Variants in PTPRD observed in about 807,000 individuals in gnomAD.
PTPRD encodes the protein receptor-type tyrosine-protein phosphatase delta.
A neutral mutation model predicts 214.5 loss-of-function variants in PTPRD; 34 were observed. The ratio of observed to expected loss-of-function variants is 0.16; its 90% confidence interval spans 0.12 to 0.21. PTPRD has a LOEUF of 0.21. Ranked by LOEUF, PTPRD falls within the 10% of genes least tolerant of loss-of-function variation. PTPRD has a pLI of 1.00. For missense variants in PTPRD, 2,545 were observed against 2,398.7 expected, an observed-to-expected ratio of 1.06 and a Z score of -1.27; for synonymous variants, 1,128 against 845.7, an observed-to-expected ratio of 1.33 and a Z score of -5.79.
chr9:8,877,911 G>T (rs2098408031), intron 11 of PTPRD, among the ~76,000 whole-genome samples: 1 of 152,038 alleles, frequency 6.6e-6, no homozygotes, highest in South Asian at 2.1e-4. Context: ...GGTGTCTATG[G>T]GCATAACTCT....
intron 27 of PTPRD, among the ~76,000 whole-genome samples, chr9:8,487,780 A>G (rs1187180512): frequency 2.6e-5 from 4 of 152,146 alleles, no homozygotes; most frequent in Non-Finnish European, 5.9e-5. Flanking sequence ...ACTGCACTCC[A>G]GCCTGGGCAA....
rs10977214 is a variant in PTPRD at position 8,584,465 on chromosome 9, A to G, written c.352+48852T>C. Among the ~76,000 whole-genome samples, 2,244 of 150,734 alleles carry G rather than the reference A, an allele frequency of 0.015. 181 individuals carry two copies. In the East Asian group the frequency reaches 0.23, roughly 16 times the overall value. Reference sequence around the variant, plus strand: ...TGATTAGTTACTGAAAAAAAAAAAAATTTACATTCTTCTCTATTATGTTTT... The same window carrying G: ...TGATTAGTTACTGAAAAAAAAAAAAGTTTACATTCTTCTCTATTATGTTTT... On this transcript the variant is annotated intron_variant, in intron 14 of 45. Transcript: ENST00000381196.
intron 14 of PTPRD, among the ~76,000 whole-genome samples, chr9:8,607,476 C>T (rs1310370589): frequency 6.6e-6 from 1 of 152,026 alleles, no homozygotes; most frequent in Non-Finnish European, 1.5e-5. Flanking sequence ...AACCCCGTCT[C>T]TACAAAAAAT....
At chr9:10,326,014 T>G (rs185673435) in intron 3 of PTPRD, among the ~76,000 whole-genome samples, 1 of 151,834 alleles carries the variant, frequency 6.6e-6, no homozygotes, top group Non-Finnish European at 1.5e-5. Flanking sequence ...TCTAAAAAGA[T>G]ATGTTTGTCC....
At chr9:10,251,455 G>A (rs2092759770) in intron 3 of PTPRD, among the ~76,000 whole-genome samples, 1 of 151,524 alleles carries the variant, frequency 6.6e-6, no homozygotes, top group Non-Finnish European at 1.5e-5. Flanking sequence ...GAGGTTAAGA[G>A]TTGGGCTCTG....
intron 3 of PTPRD, among the ~76,000 whole-genome samples, chr9:10,134,711 A>G (rs1007403975): frequency 4.6e-5 from 7 of 152,142 alleles, no homozygotes; most frequent in African/African-American, 7.2e-5. Context: ...TTATATTAAA[A>G]AAAAGCCCCA....
chr9:9,041,070 G>A (rs1198965829), intron 10 of PTPRD, among the ~76,000 whole-genome samples: 4 of 152,054 alleles, frequency 2.6e-5, no homozygotes, highest in African/African-American at 4.8e-5. Context: ...TTACTGCTAT[G>A]TAAATGCTAT....
At chr9:9,024,814 A>G (rs1250806893) in intron 10 of PTPRD, among the ~76,000 whole-genome samples, 2 of 151,966 alleles carry the variant, frequency 1.3e-5, no homozygotes, top group Non-Finnish European at 2.9e-5. Context: ...GATATTGATT[A>G]TAAACATAAA....
intron 35 of PTPRD, among the ~76,000 whole-genome samples, chr9:8,429,405 C>T (rs2094902220): frequency 6.6e-6 from 1 of 152,066 alleles, no homozygotes; most frequent in African/African-American, 2.4e-5. Flanking sequence ...GTTTAGACAG[C>T]TCTAAATATT....
At chr9:10,358,533 G>T (rs1249379242) in intron 2 of PTPRD, among the ~76,000 whole-genome samples, 3 of 151,848 alleles carry the variant, frequency 2.0e-5, no homozygotes, top group Non-Finnish European at 4.4e-5. Context: ...TAGCTGCAAT[G>T]TCAATGAATT....
chr9:9,693,453 C>T (rs78133612), intron 7 of PTPRD, among the ~76,000 whole-genome samples: 14,502 of 152,112 alleles, frequency 0.095, 1,192 homozygotes, highest in East Asian at 0.41. Flanking sequence ...AAGTTTCCTC[C>T]CCCCGCCATG....
intron 3 of PTPRD, among the ~76,000 whole-genome samples, chr9:10,189,903 G>T (rs1041668555): frequency 6.6e-6 from 1 of 152,002 alleles, no homozygotes; most frequent in Non-Finnish European, 1.5e-5. Context: ...ATGCATAAAG[G>T]CCTGGAAACA....
intron 2 of PTPRD, among the ~76,000 whole-genome samples, chr9:10,406,980 T>A (rs2098372793): frequency 6.6e-6 from 1 of 151,592 alleles, no homozygotes; most frequent in Non-Finnish European, 1.5e-5. Flanking sequence ...TGGGCAATGT[T>A]CAATTATTTT....
chr9:9,025,700 T>C (rs923152518), intron 10 of PTPRD, among the ~76,000 whole-genome samples: 1 of 151,996 alleles, frequency 6.6e-6, no homozygotes, highest in African/African-American at 2.4e-5. Context: ...GGAAAAAGCA[T>C]GAGCTTTGAG....
intron 12 of PTPRD, among the ~76,000 whole-genome samples, chr9:8,692,819 A>C (rs2154383276): frequency 6.6e-6 from 1 of 152,344 alleles, no homozygotes; most frequent in Non-Finnish European, 1.5e-5. Flanking sequence ...AAAGAAACAC[A>C]GTTTTTAACA....
At chr9:9,162,703 C>A (rs2099892555) in intron 10 of PTPRD, among the ~76,000 whole-genome samples, 2 of 151,988 alleles carry the variant, frequency 1.3e-5, no homozygotes, top group Admixed American at 6.6e-5. Context: ...AGTAAACAAC[C>A]TTCAACACAA....
At chr9:8,420,537 A>G (rs1057173952) in intron 35 of PTPRD, among the ~76,000 whole-genome samples, 3 of 152,180 alleles carry the variant, frequency 2.0e-5, no homozygotes, top group African/African-American at 7.2e-5. Context: ...TGGCATCACA[A>G]TTGGTTGCTG....
Position 8,350,494 on chromosome 9 carries a change from C to T in PTPRD, c.4662-8516G>A, listed in dbSNP as rs890197342. 5.3e-5 allele frequency among the ~76,000 whole-genome samples: 8 copies of T among 152,220 alleles called. No individual in the cohort carries two copies. The East Asian group carries it at 5.8e-4, about 11-fold the overall frequency. ...ATCTATGAGAAAAGATTGAGTTTTA[C>T]GACTCAGGTTTATAAGATTAATTAG... is the stretch of plus-strand genomic sequence containing the variant. On this transcript the variant is annotated intron_variant, in intron 39 of 45. Transcript: ENST00000381196.
At chr9:10,014,905 C>T (rs2096671237) in intron 4 of PTPRD, among the ~76,000 whole-genome samples, 2 of 152,058 alleles carry the variant, frequency 1.3e-5, no homozygotes, top group Admixed American at 1.3e-4. Flanking sequence ...CATTTAAAAA[C>T]CGCTTCAGTT....
Sources: gnomAD v4.1 joint callset for allele counts (sites outside exome capture counted in the v4.1 genomes callset) on GRCh38, gnomAD v4.1.1 for gene constraint, MANE v1.5 for transcripts, NCBI Gene and HGNC (gene_info 2026-07-23, HGNC 2026-07-21) for gene names.